The following RALGDS variants were observed in gnomAD, a reference collection of about 807,000 sequenced individuals.
RALGDS encodes the protein ral guanine nucleotide dissociation stimulator.
Under a neutral mutation model 99.8 loss-of-function variants are expected in RALGDS, and 44 were observed. The observed-to-expected ratio is 0.44, with a 90% CI of 0.35 to 0.57. RALGDS has a LOEUF of 0.57. Among genes scored for constraint, RALGDS ranks in the 20% least tolerant of loss-of-function variants. The pLI, the probability that RALGDS is intolerant of heterozygous loss-of-function variation, is 0.01. For missense variants in RALGDS, 1,022 were observed against 1,203.1 expected, an observed-to-expected ratio of 0.85 and a Z score of 2.23; for synonymous variants, 529 against 505.0, an observed-to-expected ratio of 1.05 and a Z score of -0.64.
At chr9:133,099,083 A>C in intron 17 of RALGDS, 1 of 356,226 alleles carries the variant, frequency 2.8e-6, no homozygotes. Flanking sequence ...GCTTTCTAGA[A>C]TCCAGGTCAC....
rs946585718 is a variant in RALGDS, at chr9:133,144,836, A to C, written c.18+4127T>G. Among the ~76,000 whole-genome samples the C allele has an allele frequency of 1.7e-4, 26 of 152,270 alleles. No individual in the cohort carries two copies. The highest frequency in any genetic ancestry group is 2.1e-4 in the South Asian group (1 of 4,826). The stretch of plus-strand genomic sequence containing the variant: ...AAGATCTCTGGTACCCGTGAATGAG[A>C]TCTTATTTGGAAATAGGGTCTGTGC... On this transcript the variant is annotated intron_variant, in intron 1 of 17. Transcript: ENST00000393160. The surrounding 1 kb of genome is among the most constrained non-coding windows in gnomAD (Gnocchi z 4.5).
At chr9:133,117,887 A>C (rs1396079847) in intron 1 of RALGDS, among the ~76,000 whole-genome samples, 1 of 152,140 alleles carries the variant, frequency 6.6e-6, no homozygotes, top group Admixed American at 6.5e-5. Flanking sequence ...CCAGTGATAA[A>C]TCTCCCCACT....
intron 2 of RALGDS, 145 bp from the exon 3 acceptor site, chr9:133,110,634 T>G: frequency 7.7e-6 from 6 of 779,368 alleles, no homozygotes; most frequent in Admixed American, 2.0e-5. Flanking sequence ...GCTTTAAAAG[T>G]AGAATTTCAG....
upstream of RALGDS, chr9:133,121,360 G>A (rs911812113): frequency 1.5e-5 from 6 of 397,218 alleles, no homozygotes; most frequent in African/African-American, 1.1e-4. Context: ...GCGCGCGCCC[G>A]CGGCCCCGCC....
upstream of RALGDS, among the ~76,000 whole-genome samples, chr9:133,136,101 T>G (rs901011744): frequency 4.6e-5 from 7 of 152,048 alleles, no homozygotes. Context: ...GAACACCTAC[T>G]AGGTGCCGGG....
At chr9:133,139,179 A>G (rs1012979205) in intron 1 of RALGDS, among the ~76,000 whole-genome samples, 7 of 152,322 alleles carry the variant, frequency 4.6e-5, no homozygotes, top group Middle Eastern at 6.8e-3. Flanking sequence ...GCTAGAATGC[A>G]CATGTGCCCC....
In RALGDS at chr9:133,102,480, T is replaced by G. The variant is rs953842716; in HGVS notation, c.2005A>C (p.Ser669Arg). ...CACCCTTGGCCAGGCCCTTACTCGC[T>G]CCAGCGCTTGACAATGGCTGTGTTC... ...KKNTAIVKRW[S>R]DRQAPSTELS... The change falls in exon 14 of 18, where the codon AGC becomes CGC. Residue 669 changes from serine (S) to arginine (R), a missense_variant. Transcript: ENST00000372050. The G allele has an allele frequency of 2.5e-6, 4 of 1,613,888 alleles. No homozygotes were observed. In the African/African-American group the frequency reaches 4.0e-5, roughly 16 times the overall value.
At chr9:133,140,628 A>C (rs1279870377) in intron 1 of RALGDS, among the ~76,000 whole-genome samples, 4 of 151,732 alleles carry the variant, frequency 2.6e-5, no homozygotes, top group Non-Finnish European at 5.9e-5. Context: ...CAATTCAGTT[A>C]ATTATGTGCC....
intron 1 of RALGDS, among the ~76,000 whole-genome samples, chr9:133,129,814 T>C (rs920857088): frequency 1.5e-4 from 19 of 128,846 alleles, no homozygotes; most frequent in Non-Finnish European, 2.5e-4. Flanking sequence ...TTTCTTCTTT[T>C]TTTTTTTTTT....
intron 1 of RALGDS, among the ~76,000 whole-genome samples, chr9:133,119,510 A>G (rs1337916142): frequency 6.6e-6 from 1 of 152,174 alleles, no homozygotes; most frequent in African/African-American, 2.4e-5. Flanking sequence ...ACCCCCAGGC[A>G]GGGGTGGGGC....
chr9:133,119,435 C>T (rs1212715676), intron 1 of RALGDS, among the ~76,000 whole-genome samples: 1 of 152,072 alleles, frequency 6.6e-6, no homozygotes, highest in Non-Finnish European at 1.5e-5. Context: ...AAATAGCAGT[C>T]GAGGTCTGGA....
rs189255764 is a variant in RALGDS at position 133,106,383 on chromosome 9, T to G, written c.1517+262A>C. Among the ~76,000 whole-genome samples, 41 of 152,282 alleles carry G rather than the reference T, an allele frequency of 2.7e-4. No individual in the cohort carries two copies. The East Asian group carries it at 4.1e-3, about 15-fold the overall frequency. ...AGCTGGGATTACAGGCGTTAGCCAT[T>G]GCGCCTGGCACAAAGGTTTTGATTT... On this transcript the variant is annotated intron_variant, in intron 8 of 17. Transcript: ENST00000372050.
intron 17 of RALGDS, chr9:133,100,008 GA>G: frequency 3.6e-6 from 2 of 549,684 alleles, no homozygotes; most frequent in South Asian, 4.1e-5. Context: ...CTGTCCCAGT[GA>G]AAAATGCCTT....
chr9:133,121,315 G>A (rs1376929304), upstream of RALGDS: 4 of 713,108 alleles, frequency 5.6e-6, no homozygotes, highest in African/African-American at 1.9e-5. Flanking sequence ...GGGCCGGGGA[G>A]GGGCGGAACC....
At chr9:133,122,180 GCAGGGA>G (rs2119220660), upstream of RALGDS, among the ~76,000 whole-genome samples, 1 of 152,376 alleles carries the variant, frequency 6.6e-6, no homozygotes, top group African/African-American at 2.4e-5. Flanking sequence ...TGAAGGGGAA[GCAGGGA>G]CAGGGACATC....
chr9:133,129,215 C>G (rs1447254792), intron 1 of RALGDS: 1 of 1,597,356 alleles, frequency 6.3e-7, no homozygotes, highest in East Asian at 2.2e-5. Context: ...GGCGACGGCC[C>G]TTCTCCTGGC....
chr9:133,124,222 GCA>G (rs576086293), upstream of RALGDS, among the ~76,000 whole-genome samples: 2 of 112,504 alleles, frequency 1.8e-5, no homozygotes, highest in Non-Finnish European at 3.9e-5. Flanking sequence ...AGAGACACAG[GCA>G]CACACACACA....
At position 133,101,575 on chromosome 9, in the gene RALGDS, C is replaced by A. The variant is rs1172911786; in HGVS notation, c.2399G>T (p.Cys800Phe). 1 of 1,612,650 alleles carries A rather than the reference C, an allele frequency of 6.2e-7. No homozygotes were observed. The highest frequency in any genetic ancestry group is 8.5e-7 in the Non-Finnish European group (1 of 1,180,034). The change falls in exon 16 of 18, where the codon TGT becomes TTT. Residue 800 changes from cysteine to phenylalanine, a missense_variant. Cys to Phe is a radical substitution (Grantham distance 205, BLOSUM62 -2). Transcript: ENST00000372050. ...PLYNQQVGDC[C>F]IIRVSLDVDN... ...CACGTCCAGGCTGACGCGGATGATA[C>A]AGCAGTCGCCCACCTGCTGGTTGTA... is the stretch of plus-strand genomic sequence containing the variant.
chr9:133,120,386 G>A (rs1257953777), intron 1 of RALGDS, among the ~76,000 whole-genome samples: 2 of 151,426 alleles, frequency 1.3e-5, no homozygotes, highest in African/African-American at 2.4e-5. Context: ...CAGGACATCT[G>A]GTCCCACGTG....
Sources: gnomAD v4.1 joint callset for allele counts (sites outside exome capture counted in the v4.1 genomes callset) on GRCh38, gnomAD v4.1.1 for gene constraint, Gnocchi (gnomAD v3.1) non-coding constraint, MANE v1.5 for transcripts, NCBI Gene and HGNC (gene_info 2026-07-23, HGNC 2026-07-21) for gene names.